The following LMBR1 variants were observed in gnomAD, a reference collection of about 807,000 sequenced individuals.
The protein encoded by LMBR1 is limb region 1 protein homolog.
In LMBR1, 52 loss-of-function variants were observed where a neutral mutation model predicts 73.9. That is an observed-to-expected ratio of 0.70 (90% CI 0.56 to 0.89). The LOEUF (loss-of-function observed/expected upper bound fraction) is 0.89. Among genes scored for constraint, LMBR1 ranks in the 40% least tolerant of loss-of-function variants. The pLI is 0.00. For synonymous variants in LMBR1, 215 were observed against 209.4 expected (o/e 1.03, Z -0.23); for missense variants, 539 against 579.8 (o/e 0.93, Z 0.72).
chr7:156,739,455 A>T (rs1377572722), intron 9 of LMBR1, among the ~76,000 whole-genome samples: 1 of 152,208 alleles, frequency 6.6e-6, no homozygotes, highest in Admixed American at 6.5e-5. Flanking sequence ...GAACACAGGC[A>T]GTAGCCAAGC....
chr7:156,715,336 CA>C lies in LMBR1; in HGVS notation c.1225+8775del, dbSNP rs149783926. Among the ~76,000 whole-genome samples, 36 of 151,760 alleles carry C rather than the reference CA, an allele frequency of 2.4e-4. No individual in the cohort carries two copies. In the South Asian group the frequency reaches 6.3e-3, roughly 26 times the overall value. ...CAGTTCAAGGGCTTTGGATATATTC[CA>C]AAAAAAATCCACTTTCTGTCTATGG... On this transcript the variant is annotated intron_variant, in intron 15 of 16. Coordinates refer to ENST00000353442, the MANE Select transcript of LMBR1 (RefSeq NM_022458.4).
intron 3 of LMBR1, chr7:156,833,459 G>A (rs1348840597): frequency 5.7e-6 from 2 of 353,506 alleles, no homozygotes; most frequent in Non-Finnish European, 1.0e-5. Flanking sequence ...TCAGCAGACT[G>A]TTCAAACAGC....
At chr7:156,829,015 C>T (rs1303830756) in intron 3 of LMBR1, among the ~76,000 whole-genome samples, 1 of 151,994 alleles carries the variant, frequency 6.6e-6, no homozygotes, top group Non-Finnish European at 1.5e-5. Context: ...CTTTCCTCTC[C>T]GCTTTTACGT....
At chr7:156,766,326 C>A (rs1340058215) in intron 5 of LMBR1, among the ~76,000 whole-genome samples, 1 of 152,064 alleles carries the variant, frequency 6.6e-6, no homozygotes, top group Non-Finnish European at 1.5e-5. Context: ...TTGCTTGCAG[C>A]CCGATATAAA....
At chr7:156,726,097 T>A (rs771561725) in intron 12 of LMBR1, 1 of 344,170 alleles carries the variant, frequency 2.9e-6, no homozygotes, top group Non-Finnish European at 5.2e-6. Flanking sequence ...CAAGATGACA[T>A]GATTATGCTT....
At chr7:156,820,179 C>T (rs945851312) in intron 4 of LMBR1, among the ~76,000 whole-genome samples, 3 of 152,044 alleles carry the variant, frequency 2.0e-5, no homozygotes, top group Non-Finnish European at 4.4e-5. Flanking sequence ...AGCTGCTGTA[C>T]CAGATGTGGC....
intron 5 of LMBR1, among the ~76,000 whole-genome samples, chr7:156,787,107 A>T (rs552454627): frequency 3.0e-4 from 45 of 152,182 alleles, no homozygotes; most frequent in African/African-American, 9.9e-4. Flanking sequence ...TTCCTCTATC[A>T]ATGGGCAAGG....
intron 1 of LMBR1, among the ~76,000 whole-genome samples, chr7:156,868,233 G>A (rs1163350878): frequency 6.9e-5 from 10 of 145,864 alleles, no homozygotes; most frequent in African/African-American, 1.0e-4. Context: ...TCACTCTGTC[G>A]CCCAGGCTGG....
chr7:156,866,699 G>A (rs1798515603), intron 1 of LMBR1, among the ~76,000 whole-genome samples: 1 of 150,142 alleles, frequency 6.7e-6, no homozygotes, highest in Non-Finnish European at 1.5e-5. Flanking sequence ...TGCCTCCCAG[G>A]TTCAAGAGAT....
intron 1 of LMBR1, among the ~76,000 whole-genome samples, chr7:156,852,602 T>C (rs1796385546): frequency 6.6e-6 from 1 of 152,230 alleles, no homozygotes; most frequent in South Asian, 2.1e-4. Context: ...AAATAAAATC[T>C]TTACATTATT....
At chr7:156,739,363 G>A (rs1391581090) in intron 9 of LMBR1, among the ~76,000 whole-genome samples, 1 of 152,200 alleles carries the variant, frequency 6.6e-6, no homozygotes, top group Non-Finnish European at 1.5e-5. Flanking sequence ...CTGGGTCTGA[G>A]GGAACTTTTC....
At chr7:156,687,400 T>G (rs1314173940) in intron 16 of LMBR1, among the ~76,000 whole-genome samples, 1 of 152,228 alleles carries the variant, frequency 6.6e-6, no homozygotes, top group Non-Finnish European at 1.5e-5. Flanking sequence ...TTGAAATATG[T>G]TTAGCACTAA....
intron 8 of LMBR1, among the ~76,000 whole-genome samples, chr7:156,757,054 G>C (rs936004281): frequency 6.6e-6 from 1 of 152,132 alleles, no homozygotes; most frequent in Non-Finnish European, 1.5e-5. Context: ...GACCTCAGGT[G>C]ATCCGCCTGC....
chr7:156,705,878 T>C (rs938111632), intron 15 of LMBR1, among the ~76,000 whole-genome samples: 1 of 151,760 alleles, frequency 6.6e-6, no homozygotes, highest in Non-Finnish European at 1.5e-5. Flanking sequence ...ACAAAGAACT[T>C]ACAAAACTAG....
intron 1 of LMBR1, among the ~76,000 whole-genome samples, chr7:156,872,422 C>T (rs1016801557): frequency 3.9e-5 from 6 of 151,900 alleles, no homozygotes; most frequent in Admixed American, 6.6e-5. Context: ...CCCAAGCAGA[C>T]GGATCACCTG....
intron 1 of LMBR1, among the ~76,000 whole-genome samples, chr7:156,855,187 G>T (rs573423611): frequency 3.3e-5 from 5 of 152,128 alleles, no homozygotes; most frequent in Non-Finnish European, 7.3e-5. Context: ...AAATATGTGT[G>T]TAATGTCAGC....
chr7:156,698,150 C>T lies in LMBR1; in HGVS notation c.1226-9959G>A, dbSNP rs145240895. On this transcript the variant is annotated intron_variant, in intron 15 of 16. Coordinates refer to ENST00000353442, the MANE Select transcript of LMBR1 (RefSeq NM_022458.4). Reference sequence around the variant, plus strand: ...AAAGCTCCAAAATGATCTCCTTTGACTCCATGTCTCGCATCCAGGTCATGG... The same window carrying T: ...AAAGCTCCAAAATGATCTCCTTTGATTCCATGTCTCGCATCCAGGTCATGG... Among the ~76,000 whole-genome samples, 86 of 152,366 alleles carry T rather than the reference C, an allele frequency of 5.6e-4. No individual in the cohort carries two copies. In the East Asian group the frequency reaches 0.015, roughly 26 times the overall value.
intron 9 of LMBR1, among the ~76,000 whole-genome samples, chr7:156,736,215 C>T (rs1256876630): frequency 2.0e-5 from 3 of 152,070 alleles, no homozygotes; most frequent in South Asian, 4.1e-4. Context: ...CGGGGAAATC[C>T]GCAAATCCAA....
In LMBR1 at chr7:156,684,030, T is replaced by C. The variant is rs759726324; in HGVS notation, c.*48A>G. On this transcript the variant is annotated 3_prime_UTR_variant, in exon 17 of 17. Coordinates refer to ENST00000353442, the MANE Select transcript of LMBR1 (RefSeq NM_022458.4). ...CTACATGGGACAGGAATGTCGTGAA[T>C]CTGGAGTTCTCGGGTCTCTTGGTGG... The C allele has an allele frequency of 1.8e-5, 26 of 1,434,780 alleles. No homozygotes were observed. The Admixed American group carries it at 4.2e-4, about 23-fold the overall frequency. 88.9% of individuals were successfully genotyped at this position (1,434,780 alleles called of 1,614,324 possible). A position where few individuals can be genotyped will look rare whatever the true frequency, so the allele number is the denominator to read the frequency against.
Sources: gnomAD v4.1 joint callset for allele counts (sites outside exome capture counted in the v4.1 genomes callset) on GRCh38, gnomAD v4.1.1 for gene constraint, MANE v1.5 for transcripts, NCBI Gene and HGNC (gene_info 2026-07-23, HGNC 2026-07-21) for gene names.